The following TNIP1 variants were observed in gnomAD, a reference collection of about 807,000 sequenced individuals.
TNIP1 encodes the protein TNFAIP3-interacting protein 1.
Under a neutral mutation model 86.6 loss-of-function variants are expected in TNIP1, and 22 were observed. The ratio of observed to expected loss-of-function variants is 0.25; its 90% CI spans 0.18 to 0.36. The LOEUF (loss-of-function observed/expected upper bound fraction) is 0.36. Among genes scored for constraint, TNIP1 ranks in the 10% least tolerant of loss-of-function variants. TNIP1 has a pLI of 1.00. For missense variants in TNIP1, 709 were observed against 820.6 expected (o/e 0.86, Z 1.66); for synonymous variants, 294 against 313.0 (o/e 0.94, Z 0.64).
chr5:151,075,160 GA>G (rs1229729387), intron 1 of TNIP1, among the ~76,000 whole-genome samples: 5 of 151,994 alleles, frequency 3.3e-5, no homozygotes, highest in African/African-American at 7.2e-5. Flanking sequence ...AGAAATGCAA[GA>G]AAAAAACCCC....
In TNIP1 at chr5:151,042,570, G is replaced by A. The variant is rs1185244482; in HGVS notation, c.1104C>T (p.Leu368=). ...CCATTTCAATCTTGGACTTGGCCAG[G>A]AGGAGCTTGCGGTCAAAGTCACGCT... is the stretch of plus-strand genomic sequence containing the variant. ...QKQRDFDRKL[L]LAKSKIEMEE... Residue 368 remains leucine, a synonymous_variant, in exon 11 of 18, where the codon CTC becomes CTT. Coordinates refer to ENST00000521591, the MANE Select transcript of TNIP1 (RefSeq NM_006058.5). The A allele has an allele frequency of 6.2e-7, 1 of 1,613,532 alleles. No individual in the cohort carries two copies. The highest frequency in any genetic ancestry group is 1.7e-5 in the Admixed American group (1 of 60,022).
intron 1 of TNIP1, among the ~76,000 whole-genome samples, chr5:151,065,618 T>C (rs1762135109): frequency 6.6e-6 from 1 of 152,142 alleles, no homozygotes; most frequent in Non-Finnish European, 1.5e-5. Context: ...TCCCTTCCCC[T>C]CTCTGAGGGA....
chr5:151,035,689 C>G lies in TNIP1; in HGVS notation c.1414G>C (p.Asp472His). 6.2e-7 allele frequency: 1 copy of G among 1,614,114 alleles called. No individual in the cohort carries two copies. The highest frequency in any genetic ancestry group is 8.5e-7 in the Non-Finnish European group (1 of 1,180,022). The change falls in exon 14 of 18, where the codon GAC becomes CAC. Residue 472 changes from aspartate to histidine, a missense_variant. Transcript: ENST00000521591. ...CGATCACTGCGCTCCCTCTGGAAGTCCTCCTCGAAGATCTTCACCTGGTGT... is the reference window on the plus strand; with the variant it reads ...CGATCACTGCGCTCCCTCTGGAAGTGCTCCTCGAAGATCTTCACCTGGTGT... ...LKQQVKIFEE[D>H]FQRERSDRER...
intron 1 of TNIP1, among the ~76,000 whole-genome samples, chr5:151,074,943 A>G (rs556213103): frequency 6.6e-6 from 1 of 152,302 alleles, no homozygotes; most frequent in East Asian, 1.9e-4. Flanking sequence ...ACACCCAGCT[A>G]ATTTTTGTAT....
intron 1 of TNIP1, among the ~76,000 whole-genome samples, chr5:151,075,010 T>C (rs1763219852): frequency 6.6e-6 from 1 of 152,194 alleles, no homozygotes; most frequent in Admixed American, 6.5e-5. Flanking sequence ...ACTCCTGGGC[T>C]CAAGAGATCC....
chr5:151,036,845 C>A lies in TNIP1; in HGVS notation c.1340G>T (p.Gly447Val), dbSNP rs1164252457. 6.2e-7 allele frequency: 1 copy of A among 1,613,826 alleles called. No homozygotes were observed. ...CAGCTCCTGTTTCCTTAGGAGGGCCCCTGCTCCTTCTGGGCTCCCAAATGC... is the reference window on the plus strand; with the variant it reads ...CAGCTCCTGTTTCCTTAGGAGGGCCACTGCTCCTTCTGGGCTCCCAAATGC... ...PTAFGSPEGAGALLRKQELVT... is the reference protein window; with the variant it reads ...PTAFGSPEGAVALLRKQELVT... Residue 447 changes from glycine (G) to valine (V), a missense_variant, in exon 13 of 18, where the codon GGG becomes GTG. Gly to Val is a moderately radical substitution (Grantham distance 109). Transcript: ENST00000521591.
At chr5:151,050,109 C>A (rs1438162485) in intron 7 of TNIP1, among the ~76,000 whole-genome samples, 162 bp from the exon 8 acceptor site, 1 of 152,216 alleles carries the variant, frequency 6.6e-6, no homozygotes, top group East Asian at 1.9e-4. Context: ...GCATCTTCAG[C>A]TACCTTGCTC....
intron 9 of TNIP1, 67 bp from the exon 10 acceptor site, chr5:151,043,028 C>T: frequency 6.6e-7 from 1 of 1,505,626 alleles, no homozygotes; most frequent in Non-Finnish European, 9.2e-7. Context: ...ATCTCCTGCC[C>T]CATGTACACC....
In TNIP1 at chr5:151,042,551, C is replaced by T. The variant is rs755376137; in HGVS notation, c.1123G>A (p.Glu375Lys). The T allele has an allele frequency of 3.7e-6, 6 of 1,612,892 alleles. No homozygotes were observed. The Admixed American group carries it at 8.3e-5, about 22-fold the overall frequency. The change falls in exon 11 of 18, where the codon GAA (glutamate) becomes AAA (lysine). Residue 375 changes from glutamate (E) to lysine (K), a missense_variant. Coordinates refer to ENST00000521591, the MANE Select transcript of TNIP1 (RefSeq NM_006058.5). ...GCAGTCACACTTGCCTCCTCCATTTCAATCTTGGACTTGGCCAGGAGGAGC... is the reference window on the plus strand; with the variant it reads ...GCAGTCACACTTGCCTCCTCCATTTTAATCTTGGACTTGGCCAGGAGGAGC... ...RKLLLAKSKIEMEETDKEQLT... is the reference protein window; with the variant it reads ...RKLLLAKSKIKMEETDKEQLT...
At chr5:151,040,962 A>AT (rs1371517319) in intron 11 of TNIP1, among the ~76,000 whole-genome samples, 1 of 151,992 alleles carries the variant, frequency 6.6e-6, no homozygotes, top group Non-Finnish European at 1.5e-5. Context: ...ATTCATACAT[A>AT]TGACTGGGCA....
chr5:151,079,102 C>T (rs992240045), intron 1 of TNIP1, among the ~76,000 whole-genome samples: 3 of 152,164 alleles, frequency 2.0e-5, no homozygotes, highest in Non-Finnish European at 2.9e-5. Flanking sequence ...GTTACATAAG[C>T]GTGTAGAACA....
At chr5:151,071,680 G>A in intron 1 of TNIP1, among the ~76,000 whole-genome samples, 1 of 152,098 alleles carries the variant, frequency 6.6e-6, no homozygotes, top group Non-Finnish European at 1.5e-5. Flanking sequence ...CCGCAGCCCT[G>A]TGCCAGGTCC....
intron 1 of TNIP1, among the ~76,000 whole-genome samples, chr5:151,075,995 G>A (rs777370248): frequency 6.6e-6 from 1 of 152,208 alleles, no homozygotes; most frequent in Non-Finnish European, 1.5e-5. Flanking sequence ...GCTCAAGGAC[G>A]CAGAGCTCCT....
At chr5:151,087,436 C>T (rs557528520), upstream of TNIP1, among the ~76,000 whole-genome samples, 236 of 152,256 alleles carry the variant, frequency 1.6e-3, 2 homozygotes, top group Admixed American at 3.0e-3. Context: ...AAAAGGCACC[C>T]GAGAATGGGC....
intron 11 of TNIP1, 80 bp from the exon 12 acceptor site, chr5:151,039,305 G>T (rs1758116933): frequency 1.3e-6 from 2 of 1,483,688 alleles, no homozygotes; most frequent in Non-Finnish European, 1.8e-6. Flanking sequence ...GCCTGGCCCA[G>T]CCCTTACGTT....
At chr5:151,044,618 T>C (rs193142934) in intron 9 of TNIP1, among the ~76,000 whole-genome samples, 1 of 152,286 alleles carries the variant, frequency 6.6e-6, no homozygotes, top group East Asian at 1.9e-4. Flanking sequence ...AGCTTTCAAA[T>C]GTGCGGGAGG....
chr5:151,085,828 A>T (rs1025705756), upstream of TNIP1, among the ~76,000 whole-genome samples: 2 of 152,222 alleles, frequency 1.3e-5, no homozygotes, highest in Non-Finnish European at 2.9e-5. Flanking sequence ...TCAGGAAGTT[A>T]GACCCACAAA....
chr5:151,077,940 G>GT (rs1270503191), intron 1 of TNIP1, among the ~76,000 whole-genome samples: 2 of 152,180 alleles, frequency 1.3e-5, no homozygotes, highest in African/African-American at 4.8e-5. Flanking sequence ...AGTCTACTAA[G>GT]TTCCAGAAGA....
At chr5:151,074,458 T>C (rs1257607687) in intron 1 of TNIP1, among the ~76,000 whole-genome samples, 1 of 152,204 alleles carries the variant, frequency 6.6e-6, no homozygotes, top group African/African-American at 2.4e-5. Flanking sequence ...CTGGCTATGA[T>C]CCCTTCTCGA....
Sources: gnomAD v4.1 joint callset for allele counts (sites outside exome capture counted in the v4.1 genomes callset) on GRCh38, gnomAD v4.1.1 for gene constraint, MANE v1.5 for transcripts, NCBI Gene and HGNC (gene_info 2026-07-23, HGNC 2026-07-21) for gene names.